PCDHGB5: variants seen among roughly 807,000 people sequenced by gnomAD.
PCDHGB5 encodes protocadherin gamma subfamily B, 5.
In PCDHGB5, 48 loss-of-function variants were observed where a neutral mutation model predicts 62.9. The ratio of observed to expected loss-of-function variants is 0.76; its 90% CI spans 0.61 to 0.97. The LOEUF (loss-of-function observed/expected upper bound fraction) is 0.97. Among genes scored for constraint, PCDHGB5 ranks in the 50% least tolerant of loss-of-function variants. The pLI, the probability that PCDHGB5 is intolerant of heterozygous loss-of-function variation, is 0.00. For synonymous variants in PCDHGB5, 474 were observed against 511.2 expected (o/e 0.93, Z 0.98); for missense variants, 1,118 against 1,198.6 (o/e 0.93, Z 0.99).
chr5:141,491,414 G>T lies in PCDHGB5; in HGVS notation c.2398-3393G>T, dbSNP rs137987971. ...CTTCAGGGAAACGCAGACGGGGACGGGGGTGGAGGGCAGTGCTGCAGGCGC... is the reference window on the plus strand; with the variant it reads ...CTTCAGGGAAACGCAGACGGGGACGTGGGTGGAGGGCAGTGCTGCAGGCGC... On this transcript the variant is annotated intron_variant, in intron 1 of 3. Coordinates refer to ENST00000617380, the MANE Select transcript of PCDHGB5 (RefSeq NM_018925.3). The surrounding 1 kb of genome is among the most constrained non-coding windows in gnomAD (Gnocchi z 6.9). 1.9e-6 allele frequency: 3 copies of T among 1,614,008 alleles called. No homozygotes were observed. Among genetic ancestry groups the T allele is most frequent in the Non-Finnish European group, 2.5e-6 (3 of 1,180,030 alleles).
At position 141,431,569 on chromosome 5, in the gene PCDHGB5, CGAA is replaced by C. The variant is rs780392922; in HGVS notation, c.2397+31047_2397+31049del. The C allele has an allele frequency of 1.9e-6, 3 of 1,614,000 alleles. No homozygotes were observed. The highest frequency in any genetic ancestry group is 2.7e-5 in the African/African-American group (2 of 74,932). ...TTGTAGTCAACGCTACCGACCCTGA[CGAA>C]GGAGTCAATGCGGAAGTGAGGTATT... On this transcript the variant is annotated intron_variant, in intron 1 of 3. Transcript: ENST00000617380. This position sits in a 1 kb window ranked among gnomAD's most constrained non-coding sequence, Gnocchi z 4.8.
intron 1 of PCDHGB5, chr5:141,418,637 T>C: frequency 6.2e-7 from 1 of 1,613,998 alleles, no homozygotes; most frequent in Non-Finnish European, 8.5e-7. Context: ...TCCAGGCACC[T>C]CCATCCTGAG....
At chr5:141,423,598 C>A in intron 1 of PCDHGB5, 1 of 1,612,940 alleles carries the variant, frequency 6.2e-7, no homozygotes, top group East Asian at 2.2e-5. Flanking sequence ...GAAAAGCGAG[C>A]CACTCTTGAT....
chr5:141,477,890 C>T lies in PCDHGB5; in HGVS notation c.2398-16917C>T, dbSNP rs202114426. ...TACCTCAGCTGGCCACCTAGTGTCA[C>T]GGGTGGTAGGCTGGGACGCGGATGC... is the stretch of plus-strand genomic sequence containing the variant. On this transcript the variant is annotated intron_variant, in intron 1 of 3. Coordinates refer to ENST00000617380, the MANE Select transcript of PCDHGB5 (RefSeq NM_018925.3). This position sits in a 1 kb window ranked among gnomAD's most constrained non-coding sequence, Gnocchi z 4.9. 9.9e-6 allele frequency: 16 copies of T among 1,614,086 alleles called. No individual in the cohort carries two copies. Among genetic ancestry groups the T allele is most frequent in the Admixed American group, 1.7e-5 (1 of 60,006 alleles).
At position 141,489,219 on chromosome 5, in the gene PCDHGB5, T is replaced by C; in HGVS notation, c.2398-5588T>C. 1 of 1,502,828 alleles carries C rather than the reference T, an allele frequency of 6.7e-7. No homozygotes were observed. Among genetic ancestry groups the C allele is most frequent in the Non-Finnish European group, 8.9e-7 (1 of 1,117,962 alleles). 93.1% of individuals were successfully genotyped at this position (1,502,828 alleles called of 1,614,324 possible). On this transcript the variant is annotated intron_variant, in intron 1 of 3. Transcript: ENST00000617380. This position sits in a 1 kb window ranked among gnomAD's most constrained non-coding sequence, Gnocchi z 4.5. ...GAGACAGGACAGCACAGACTTACTC[T>C]CCACAAAGGGACTTCTGGGTCATGG...
chr5:141,504,645 T>C (rs1481469819), intron 2 of PCDHGB5, among the ~76,000 whole-genome samples: 2 of 112,538 alleles, frequency 1.8e-5, no homozygotes, highest in Non-Finnish European at 3.4e-5. Context: ...GGTTTGATGA[T>C]AGAGTGTTTG....
chr5:141,501,964 A>G (rs1374872785), intron 2 of PCDHGB5, among the ~76,000 whole-genome samples: 1 of 151,854 alleles, frequency 6.6e-6, no homozygotes, highest in East Asian at 1.9e-4. Flanking sequence ...TCATCCTCCT[A>G]ACCTCTGGCA....
chr5:141,476,535 T>C lies in PCDHGB5; in HGVS notation c.2398-18272T>C. 5 of 1,614,038 alleles carry C rather than the reference T, an allele frequency of 3.1e-6. No individual in the cohort carries two copies. The highest frequency in any genetic ancestry group is 4.2e-6 in the Non-Finnish European group (5 of 1,180,010). On this transcript the variant is annotated intron_variant, in intron 1 of 3. Coordinates refer to ENST00000617380, the MANE Select transcript of PCDHGB5 (RefSeq NM_018925.3). The surrounding 1 kb of genome is among the most constrained non-coding windows in gnomAD (Gnocchi z 7.6). ...AATCCTGCTTTCCCTACCCAGGAAA[T>C]GAAATTGGAGATTAGCGAGGCCGTG...
rs367744321 is a variant in PCDHGB5, at chr5:141,489,394, C to G, written c.2398-5413C>G. The G allele has an allele frequency of 3.7e-6, 6 of 1,614,008 alleles. No individual in the cohort carries two copies. In the African/African-American group the frequency reaches 6.7e-5, roughly 18 times the overall value. On this transcript the variant is annotated intron_variant, in intron 1 of 3. Transcript: ENST00000617380. The surrounding 1 kb of genome is among the most constrained non-coding windows in gnomAD (Gnocchi z 4.5). ...GCTGGTGGGGAATGTTGCTCAGGATCTGGGCTTAAAGATGACAGATCTGTT... is the reference window on the plus strand; with the variant it reads ...GCTGGTGGGGAATGTTGCTCAGGATGTGGGCTTAAAGATGACAGATCTGTT...
In PCDHGB5 at chr5:141,485,713, G is replaced by A. The variant is rs769162337; in HGVS notation, c.2398-9094G>A. The stretch of plus-strand genomic sequence containing the variant: ...TGAGCTCCAATGAACACTTTGCACT[G>A]GATGTGAAGAAGCGCAGCGACGGCA... On this transcript the variant is annotated intron_variant, in intron 1 of 3. Transcript: ENST00000617380. The surrounding 1 kb of genome is among the most constrained non-coding windows in gnomAD (Gnocchi z 5.7). 2 of 1,614,084 alleles carry A rather than the reference G, an allele frequency of 1.2e-6. No homozygotes were observed. The highest frequency in any genetic ancestry group is 1.3e-5 in the African/African-American group (1 of 74,942).
At chr5:141,418,908 C>A in intron 1 of PCDHGB5, 1 of 1,613,932 alleles carries the variant, frequency 6.2e-7, no homozygotes, top group South Asian at 1.1e-5. Flanking sequence ...ATAATCATCA[C>A]GTCACTCTCT....
chr5:141,417,112 G>T (rs1399534957), intron 1 of PCDHGB5: 3 of 152,030 alleles, frequency 2.0e-5, no homozygotes, highest in African/African-American at 7.3e-5. Flanking sequence ...AGCAATACAG[G>T]ACACCCTGGA....
At position 141,422,108 on chromosome 5, in the gene PCDHGB5, A is replaced by G. The variant is rs766617894; in HGVS notation, c.2397+21584A>G. 4.4e-6 allele frequency: 7 copies of G among 1,606,984 alleles called. No homozygotes were observed. In the East Asian group the frequency reaches 1.6e-4, roughly 36 times the overall value. ...GAAAGCAAGGCTTCTGAAATATTCCAATTGGATTCACAAACTGGAGAAGTT... is the reference window on the plus strand; with the variant it reads ...GAAAGCAAGGCTTCTGAAATATTCCGATTGGATTCACAAACTGGAGAAGTT... On this transcript the variant is annotated intron_variant, in intron 1 of 3. Transcript: ENST00000617380.
chr5:141,487,921 A>G lies in PCDHGB5; in HGVS notation c.2398-6886A>G, dbSNP rs17097340. On this transcript the variant is annotated intron_variant, in intron 1 of 3. Coordinates refer to ENST00000617380, the MANE Select transcript of PCDHGB5 (RefSeq NM_018925.3). This position sits in a 1 kb window ranked among gnomAD's most constrained non-coding sequence, Gnocchi z 5.0. ...GGAATGTGGGAGCACAGGAGGCTAC[A>G]GTGCACAGGGTACAGTGCACCAGGC... 0.15 allele frequency: 93,556 copies of G among 639,124 alleles called. 7,160 individuals carry two copies. The highest frequency in any genetic ancestry group is 0.21 in the African/African-American group (11,270 of 54,532). 39.6% of individuals were successfully genotyped at this position (639,124 alleles called of 1,614,324 possible).
chr5:141,467,409 C>T (rs2099143590), intron 1 of PCDHGB5, among the ~76,000 whole-genome samples: 1 of 152,132 alleles, frequency 6.6e-6, no homozygotes, highest in South Asian at 2.1e-4. Context: ...GAAAGCCTTT[C>T]CCCACACCTA....
At chr5:141,401,368 A>G (rs2094146364) in intron 1 of PCDHGB5, among the ~76,000 whole-genome samples, 3 of 152,186 alleles carry the variant, frequency 2.0e-5, no homozygotes, top group Admixed American at 2.0e-4. Flanking sequence ...GAAGGAGAGG[A>G]AGAAGAAGAA....
At position 141,432,999 on chromosome 5, in the gene PCDHGB5, A is replaced by G. The variant is rs745921704; in HGVS notation, c.2397+32475A>G. The G allele has an allele frequency of 1.1e-5, 17 of 1,614,046 alleles. No individual in the cohort carries two copies. Among genetic ancestry groups the G allele is most frequent in the East Asian group, 4.5e-5 (2 of 44,862 alleles). On this transcript the variant is annotated intron_variant, in intron 1 of 3. Coordinates refer to ENST00000617380, the MANE Select transcript of PCDHGB5 (RefSeq NM_018925.3). This position sits in a 1 kb window ranked among gnomAD's most constrained non-coding sequence, Gnocchi z 6.0. ...CACTTTGTGGGCGTGGACGGGGTGC[A>G]GGCTTTCCTGCAGACCTATTCCCAC...
Position 141,511,256 on chromosome 5 carries a change from TTCAGGGC to T in PCDHGB5, c.*85_*91del. 6.4e-7 allele frequency: 1 copy of T among 1,563,506 alleles called. No individual in the cohort carries two copies. Among genetic ancestry groups the T allele is most frequent in the Non-Finnish European group, 8.7e-7 (1 of 1,154,422 alleles). The stretch of plus-strand genomic sequence containing the variant: ...CTTACCTGCACCCAGGCCTCAGAGT[TTCAGGGC>T]TAACCCCCAGAATACTGGTAGGGGC... On this transcript the variant is annotated 3_prime_UTR_variant, in exon 4 of 4. Coordinates refer to ENST00000617380, the MANE Select transcript of PCDHGB5 (RefSeq NM_018925.3).
chr5:141,417,632 C>T (rs1395400349), intron 1 of PCDHGB5: 3 of 714,288 alleles, frequency 4.2e-6, no homozygotes, highest in Non-Finnish European at 6.5e-6. Context: ...GCGCTGACGC[C>T]GGGGATCCCT....
Sources: allele counts gnomAD v4.1 joint callset (sites outside exome capture counted in the v4.1 genomes callset), GRCh38; gene constraint gnomAD v4.1.1; non-coding constraint Gnocchi (gnomAD v3.1); transcripts MANE v1.5; gene names NCBI Gene and HGNC (gene_info 2026-07-23, HGNC 2026-07-21).